The following GAB2 variants were observed in gnomAD, a reference collection of about 807,000 sequenced individuals.
GAB2 encodes GRB2 associated binding protein 2.
GAB2 carries 26 observed loss-of-function variants against 65.5 expected under a neutral mutation model. The ratio of observed to expected loss-of-function variants is 0.40; its 90% confidence interval spans 0.29 to 0.55. GAB2 has a LOEUF of 0.55. Ranked by LOEUF, GAB2 falls within the 20% of genes least tolerant of loss-of-function variation. The probability of loss-of-function intolerance (pLI) is 0.53; values close to 1 mark genes in which losing one functional copy is unlikely to be tolerated. For synonymous variants in GAB2, 321 were observed against 329.6 expected, an observed-to-expected ratio of 0.97 and a Z score of 0.28; for missense variants, 884 against 875.8, an observed-to-expected ratio of 1.01 and a Z score of -0.12.
intron 4 of GAB2, among the ~76,000 whole-genome samples, chr11:78,225,924 GA>G (rs1864630374): frequency 6.6e-6 from 1 of 152,204 alleles, no homozygotes. Flanking sequence ...TCATACAGAG[GA>G]GGTTACATGC....
intron 2 of GAB2, among the ~76,000 whole-genome samples, chr11:78,253,074 G>A (rs1210947370): frequency 1.5e-5 from 2 of 134,418 alleles, no homozygotes; most frequent in East Asian, 4.7e-4. Context: ...GCAGTGGTAC[G>A]ATCTCGGCTC....
intron 1 of GAB2, among the ~76,000 whole-genome samples, chr11:78,312,960 T>TTG (rs140970931): frequency 2.0e-5 from 3 of 151,860 alleles, no homozygotes; most frequent in South Asian, 2.1e-4. Flanking sequence ...AAATATGTGT[T>TTG]TGTGTGTGTG....
At chr11:78,379,357 AAAGT>A in intron 1 of GAB2, among the ~76,000 whole-genome samples, 1 of 152,370 alleles carries the variant, frequency 6.6e-6, no homozygotes, top group East Asian at 1.9e-4. Context: ...GACTTGGTTA[AAAGT>A]AAGTATCTCT....
intron 1 of GAB2, among the ~76,000 whole-genome samples, chr11:78,337,455 TA>T (rs1375741543): frequency 6.6e-6 from 1 of 152,104 alleles, no homozygotes; most frequent in Non-Finnish European, 1.5e-5. Context: ...AAGACTTAGT[TA>T]AGGAGGGGCT....
chr11:78,227,197 C>T, intron 3 of GAB2, 146 bp from the exon 4 acceptor site: 1 of 632,384 alleles, frequency 1.6e-6, no homozygotes, highest in South Asian at 1.9e-5. Context: ...TGTTCAGACT[C>T]TAGTATATGA....
chr11:78,301,817 C>G (rs769507324), intron 1 of GAB2, among the ~76,000 whole-genome samples: 15 of 152,158 alleles, frequency 9.9e-5, no homozygotes, highest in Non-Finnish European at 1.9e-4. Context: ...AGTCATTAAA[C>G]AGCATGGTAC....
chr11:78,383,966 G>A (rs1012423156), intron 1 of GAB2, among the ~76,000 whole-genome samples: 1 of 152,144 alleles, frequency 6.6e-6, no homozygotes, highest in Non-Finnish European at 1.5e-5. Flanking sequence ...TGCAGGAGCA[G>A]AGAGCTTCAC....
intron 1 of GAB2, among the ~76,000 whole-genome samples, chr11:78,300,515 A>AT (rs1346365229): frequency 4.8e-5 from 4 of 82,668 alleles, no homozygotes; most frequent in South Asian, 9.5e-4. Context: ...GTTTAATTTT[A>AT]TAAAAAAACA....
At chr11:78,322,920 A>G (rs995440646) in intron 1 of GAB2, among the ~76,000 whole-genome samples, 19 of 152,210 alleles carry the variant, frequency 1.2e-4, no homozygotes, top group Non-Finnish European at 1.6e-4. Context: ...GAGATTTTGC[A>G]AAGACTAAAA....
chr11:78,272,743 G>A (rs1227716814), intron 2 of GAB2, among the ~76,000 whole-genome samples: 3 of 152,230 alleles, frequency 2.0e-5, no homozygotes, highest in African/African-American at 4.8e-5. Context: ...CAAGACAATG[G>A]GGAAAATGTC....
intron 1 of GAB2, among the ~76,000 whole-genome samples, chr11:78,358,517 A>G (rs1331583030): frequency 6.6e-6 from 1 of 150,540 alleles, no homozygotes; most frequent in African/African-American, 2.4e-5. Context: ...TCTTTCCTAA[A>G]AGTCTGTAAT....
At chr11:78,307,018 T>C (rs1855376302) in intron 1 of GAB2, among the ~76,000 whole-genome samples, 1 of 152,222 alleles carries the variant, frequency 6.6e-6, no homozygotes, top group South Asian at 2.1e-4. Context: ...TCAATGGAAC[T>C]GATCACAGCA....
chr11:78,388,137 T>G (rs1856791960), intron 1 of GAB2: 1 of 152,096 alleles, frequency 6.6e-6, no homozygotes, highest in Admixed American at 6.6e-5. Context: ...GCGATTCTTG[T>G]GCCTCAGCCT....
chr11:78,372,649 C>T (rs991598309), intron 1 of GAB2, among the ~76,000 whole-genome samples: 1 of 151,342 alleles, frequency 6.6e-6, no homozygotes, highest in African/African-American at 2.5e-5. Context: ...ATCTAAGTGG[C>T]TGTCCTGGGT....
chr11:78,360,415 AGAG>A (rs1856418913), intron 1 of GAB2, among the ~76,000 whole-genome samples: 1 of 151,740 alleles, frequency 6.6e-6, no homozygotes, highest in South Asian at 2.1e-4. Context: ...AAAAAGAAGA[AGAG>A]GAGGAGGAAA....
chr11:78,382,447 C>T (rs1466177175), intron 1 of GAB2, among the ~76,000 whole-genome samples: 10 of 151,232 alleles, frequency 6.6e-5, no homozygotes, highest in Non-Finnish European at 7.4e-5. Flanking sequence ...GGCGGGATCT[C>T]GGCTCACTGC....
chr11:78,236,822 T>C (rs1381581849), intron 3 of GAB2, among the ~76,000 whole-genome samples: 2 of 152,134 alleles, frequency 1.3e-5, no homozygotes, highest in Non-Finnish European at 2.9e-5. Flanking sequence ...GGATAAACAC[T>C]ACTTTGTCAT....
intron 1 of GAB2, among the ~76,000 whole-genome samples, chr11:78,411,264 C>G (rs1467582836): frequency 2.0e-5 from 3 of 152,050 alleles, no homozygotes; most frequent in Non-Finnish European, 2.9e-5. Flanking sequence ...TATAGTAAAG[C>G]TGTAATTTCT....
chr11:78,347,893 G>A (rs1228814825), intron 1 of GAB2, among the ~76,000 whole-genome samples: 1 of 152,072 alleles, frequency 6.6e-6, no homozygotes, highest in African/African-American at 2.4e-5. Flanking sequence ...TCCCTCCCAT[G>A]CAGTCAAAAA....
Sources: gnomAD v4.1 joint callset for allele counts (sites outside exome capture counted in the v4.1 genomes callset) on GRCh38, gnomAD v4.1.1 for gene constraint, MANE v1.5 for transcripts, NCBI Gene and HGNC (gene_info 2026-07-23, HGNC 2026-07-21) for gene names.